PCDHGB6: variants seen among roughly 807,000 people sequenced by gnomAD.
PCDHGB6 encodes protocadherin gamma-B6.
Under a neutral mutation model 59.1 loss-of-function variants are expected in PCDHGB6, and 51 were observed. That is an observed-to-expected ratio of 0.86 (90% CI 0.69 to 1.09). The LOEUF (loss-of-function observed/expected upper bound fraction) is 1.09. PCDHGB6 is among the 50% of genes least tolerant of loss of function. The pLI is 0.00. For synonymous variants in PCDHGB6, 466 were observed against 495.1 expected (o/e 0.94, Z 0.78); for missense variants, 1,148 against 1,205.1 (o/e 0.95, Z 0.70).
Position 141,477,678 on chromosome 5 carries a change from C to T in PCDHGB6, c.2419-17129C>T, listed in dbSNP as rs967769574. ...AATCGTGACAATGGCATAGTGTCAT[C>T]CTTAGTGCCCCTAGACTATGAGGAT... On this transcript the variant is annotated intron_variant, in intron 1 of 3. Coordinates refer to ENST00000520790, the MANE Select transcript of PCDHGB6 (RefSeq NM_018926.3). This position sits in a 1 kb window ranked among gnomAD's most constrained non-coding sequence, Gnocchi z 4.9. 9.9e-6 allele frequency: 16 copies of T among 1,614,182 alleles called. No homozygotes were observed. The highest frequency in any genetic ancestry group is 1.1e-5 in the Non-Finnish European group (13 of 1,180,046).
intron 1 of PCDHGB6, among the ~76,000 whole-genome samples, chr5:141,481,913 CAAAAAAAAA>C (rs34114744): frequency 1.1e-5 from 1 of 90,852 alleles, no homozygotes; most frequent in Non-Finnish European, 2.2e-5. Flanking sequence ...AACTCCATCT[CAAAAAAAAA>C]AAAAAAAAAA....
chr5:141,428,224 G>T, intron 1 of PCDHGB6: 1 of 1,164,316 alleles, frequency 8.6e-7, no homozygotes, highest in Non-Finnish European at 1.3e-6. Context: ...AGTCTTCGCA[G>T]ACAGCCTGCA....
At position 141,470,884 on chromosome 5, in the gene PCDHGB6, G is replaced by T. The variant is rs2099243316; in HGVS notation, c.2419-23923G>T. 3.3e-5 allele frequency among the ~76,000 whole-genome samples: 5 copies of T among 151,648 alleles called. No individual in the cohort carries two copies. In the South Asian group the frequency reaches 1.0e-3, roughly 32 times the overall value. On this transcript the variant is annotated intron_variant, in intron 1 of 3. Coordinates refer to ENST00000520790, the MANE Select transcript of PCDHGB6 (RefSeq NM_018926.3). ...TTTGTTTGTTTGTTTTTTTGTTTTT[G>T]TTTTTGTTTTTTGTAGAGATGGGAC...
At chr5:141,433,406 T>C (rs2097604777) in intron 1 of PCDHGB6, among the ~76,000 whole-genome samples, 1 of 149,982 alleles carries the variant, frequency 6.7e-6, no homozygotes, top group Non-Finnish European at 1.5e-5. Flanking sequence ...TATCTATCTA[T>C]TACTTTCTTG....
intron 1 of PCDHGB6, among the ~76,000 whole-genome samples, chr5:141,480,339 T>A (rs764049837): frequency 1.3e-4 from 20 of 152,010 alleles, no homozygotes; most frequent in Non-Finnish European, 2.4e-4. Context: ...TGCTTGAGCC[T>A]GGGAGGTTGA....
chr5:141,447,298 C>T lies in PCDHGB6; in HGVS notation c.2418+36678C>T, dbSNP rs187482431. 1.7e-3 allele frequency among the ~76,000 whole-genome samples: 260 copies of T among 152,214 alleles called. 2 individuals carry two copies. Among genetic ancestry groups the T allele is most frequent in the African/African-American group, 5.8e-3 (239 of 41,534 alleles). ...GGGACTACAGGCACATGCCACCACA[C>T]CCGGCTAATTTTTGTATTTTTAGTA... On this transcript the variant is annotated intron_variant, in intron 1 of 3. Coordinates refer to ENST00000520790, the MANE Select transcript of PCDHGB6 (RefSeq NM_018926.3).
intron 3 of PCDHGB6, chr5:141,508,179 AG>A (rs1250335236): frequency 1.3e-5 from 2 of 152,326 alleles, no homozygotes; most frequent in Non-Finnish European, 2.9e-5. Flanking sequence ...ACAGGAGAGA[AG>A]GCATCACCCC....
Position 141,408,112 on chromosome 5 carries a change from C to T in PCDHGB6, c.-91C>T. On this transcript the variant is annotated 5_prime_UTR_variant, in exon 1 of 4. Transcript: ENST00000520790. The stretch of plus-strand genomic sequence containing the variant: ...TTGCCAGCTCCGAGACCCGGGACTC[C>T]TCCTGTCCTGGGCCGAATGCTCTTT... The T allele has an allele frequency of 6.8e-7, 1 of 1,460,448 alleles. No individual in the cohort carries two copies. The highest frequency in any genetic ancestry group is 1.4e-5 in the African/African-American group (1 of 70,440). The allele number at this position is 1,460,448 out of a possible 1,614,324, so 90.5% of individuals were successfully genotyped here.
In PCDHGB6 at chr5:141,493,548, G is replaced by A. The variant is rs1243278355; in HGVS notation, c.2419-1259G>A. 3.9e-5 allele frequency among the ~76,000 whole-genome samples: 6 copies of A among 152,196 alleles called. No homozygotes were observed. ...AAACTTGGCCAGTTATCCTTTTGGA[G>A]ATTGAGTTCCCCCAGCTCCGTTTCC... On this transcript the variant is annotated intron_variant, in intron 1 of 3. Coordinates refer to ENST00000520790, the MANE Select transcript of PCDHGB6 (RefSeq NM_018926.3). This position sits in a 1 kb window ranked among gnomAD's most constrained non-coding sequence, Gnocchi z 4.3.
intron 1 of PCDHGB6, chr5:141,419,005 C>G: frequency 6.2e-7 from 1 of 1,613,944 alleles, no homozygotes; most frequent in Non-Finnish European, 8.5e-7. Context: ...ATGGGGAAGT[C>G]AGGTGTAGCT....
intron 1 of PCDHGB6, among the ~76,000 whole-genome samples, chr5:141,437,486 G>A (rs530079212): frequency 2.6e-5 from 4 of 152,224 alleles, no homozygotes; most frequent in South Asian, 2.1e-4. Flanking sequence ...ATTTAATCTC[G>A]TAGATCACTT....
intron 1 of PCDHGB6, chr5:141,419,669 C>T: frequency 6.2e-7 from 1 of 1,612,840 alleles, no homozygotes; most frequent in Non-Finnish European, 8.5e-7. Context: ...CAATGCCTGG[C>T]TGTCCTACCA....
rs1432960207 is a variant in PCDHGB6, at chr5:141,477,648, C to A, written c.2419-17159C>A. On this transcript the variant is annotated intron_variant, in intron 1 of 3. Coordinates refer to ENST00000520790, the MANE Select transcript of PCDHGB6 (RefSeq NM_018926.3). This position sits in a 1 kb window ranked among gnomAD's most constrained non-coding sequence, Gnocchi z 4.9. ...ACCGGGCTAGTGGGTCGCTATTTCA[C>A]AATAAATCGTGACAATGGCATAGTG... is the stretch of plus-strand genomic sequence containing the variant. 7 of 1,614,046 alleles carry A rather than the reference C, an allele frequency of 4.3e-6. No homozygotes were observed. Among genetic ancestry groups the A allele is most frequent in the Non-Finnish European group, 5.9e-6 (7 of 1,180,044 alleles).
rs750233767 is a variant in PCDHGB6 at position 141,490,877 on chromosome 5, C to A, written c.2419-3930C>A. 1 of 1,613,880 alleles carries A rather than the reference C, an allele frequency of 6.2e-7. No individual in the cohort carries two copies. Among genetic ancestry groups the A allele is most frequent in the Non-Finnish European group, 8.5e-7 (1 of 1,179,900 alleles). On this transcript the variant is annotated intron_variant, in intron 1 of 3. Coordinates refer to ENST00000520790, the MANE Select transcript of PCDHGB6 (RefSeq NM_018926.3). This position sits in a 1 kb window ranked among gnomAD's most constrained non-coding sequence, Gnocchi z 5.4. Reference sequence around the variant, plus strand: ...GACTCCGGCTCTCCCCCATTGCATGCCAACACATCTCTGCATGTGTTTGTC... The same window carrying A: ...GACTCCGGCTCTCCCCCATTGCATGACAACACATCTCTGCATGTGTTTGTC...
Position 141,485,606 on chromosome 5 carries a change from G to T in PCDHGB6, c.2419-9201G>T, listed in dbSNP as rs2099616630. On this transcript the variant is annotated intron_variant, in intron 1 of 3. Transcript: ENST00000520790. The surrounding 1 kb of genome is among the most constrained non-coding windows in gnomAD (Gnocchi z 5.7). ...GCAGCTGGACTTGGAAATTGGGGAG[G>T]CAGCTCCTCCAGGACAGCGTTTCCC... is the stretch of plus-strand genomic sequence containing the variant. 1.2e-6 allele frequency: 2 copies of T among 1,612,362 alleles called. No homozygotes were observed. The highest frequency in any genetic ancestry group is 4.5e-5 in the East Asian group (2 of 44,840).
chr5:141,423,233 TC>T, intron 1 of PCDHGB6: 1 of 1,613,860 alleles, frequency 6.2e-7, no homozygotes, highest in Non-Finnish European at 8.5e-7. Flanking sequence ...GCCGACAGCA[TC>T]CCCGAAGTCC....
intron 1 of PCDHGB6, chr5:141,418,984 C>T: frequency 6.2e-7 from 1 of 1,613,930 alleles, no homozygotes; most frequent in African/African-American, 1.3e-5. Flanking sequence ...GGGACCAAGA[C>T]TCAGGGGAAA....
intron 1 of PCDHGB6, chr5:141,419,732 G>A (rs2096422854): frequency 6.2e-7 from 1 of 1,613,792 alleles, no homozygotes; most frequent in Non-Finnish European, 8.5e-7. Flanking sequence ...GCGAACAGGC[G>A]AGGTGCGCAT....
At chr5:141,433,070 CCCCAG>C in intron 1 of PCDHGB6, 1 of 1,614,174 alleles carries the variant, frequency 6.2e-7, no homozygotes, top group Non-Finnish European at 8.5e-7. Context: ...CCTGATCTTC[CCCCAG>C]CCCAACTATG....
Sources: gnomAD v4.1 joint callset for allele counts (sites outside exome capture counted in the v4.1 genomes callset) on GRCh38, gnomAD v4.1.1 for gene constraint, Gnocchi (gnomAD v3.1) non-coding constraint, MANE v1.5 for transcripts, NCBI Gene and HGNC (gene_info 2026-07-23, HGNC 2026-07-21) for gene names.